PIGK: variants seen among roughly 807,000 people sequenced by gnomAD.
PIGK encodes phosphatidylinositol glycan anchor biosynthesis class K.
Under a neutral mutation model 50.6 loss-of-function variants are expected in PIGK, and 42 were observed. That is an observed-to-expected ratio of 0.83 (90% CI 0.65 to 1.07). The LOEUF is 1.07. PIGK is among the 50% of genes least tolerant of loss of function. PIGK has a pLI of 0.00. For missense variants in PIGK, 448 were observed against 488.7 expected (o/e 0.92, Z 0.78); for synonymous variants, 151 against 156.0 (o/e 0.97, Z 0.24).
At chr1:77,112,847 C>T (rs984409217) in intron 10 of PIGK, among the ~76,000 whole-genome samples, 1 of 152,010 alleles carries the variant, frequency 6.6e-6, no homozygotes, top group Non-Finnish European at 1.5e-5. Flanking sequence ...ACCTCAACTT[C>T]CAGAAAGTCA....
At chr1:77,165,596 C>A in intron 5 of PIGK, among the ~76,000 whole-genome samples, 1 of 137,580 alleles carries the variant, frequency 7.3e-6, no homozygotes, top group Admixed American at 7.1e-5. Flanking sequence ...AGACAGGCAA[C>A]TGGTGATAAA....
intron 10 of PIGK, among the ~76,000 whole-genome samples, chr1:77,116,400 T>C (rs554276786): frequency 2.0e-5 from 3 of 152,032 alleles, no homozygotes; most frequent in East Asian, 1.9e-4. Flanking sequence ...TTAGCCAGGA[T>C]GGTCTCGATC....
At chr1:77,195,767 T>C (rs1779185) in intron 3 of PIGK, among the ~76,000 whole-genome samples, 151,157 of 152,144 alleles carry the variant, frequency 0.99, 75,096 homozygotes, top group Middle Eastern at 1. Flanking sequence ...CTTTCATATA[T>C]ATACAGAATA....
At chr1:77,138,942 T>C (rs1338094825) in intron 9 of PIGK, among the ~76,000 whole-genome samples, 1 of 152,124 alleles carries the variant, frequency 6.6e-6, no homozygotes, top group African/African-American at 2.4e-5. Flanking sequence ...GGGAAGCCTC[T>C]TTTACCCCCA....
intron 10 of PIGK, among the ~76,000 whole-genome samples, chr1:77,106,107 T>TA (rs1372120444): frequency 1.3e-5 from 2 of 152,234 alleles, no homozygotes; most frequent in South Asian, 2.1e-4. Context: ...TGTTTCCCGT[T>TA]ACGCAAATAT....
chr1:77,194,462 A>G (rs1655984198), intron 3 of PIGK, among the ~76,000 whole-genome samples: 2 of 152,222 alleles, frequency 1.3e-5, no homozygotes, highest in African/African-American at 4.8e-5. Flanking sequence ...AGCCATAAAA[A>G]AACACACAAT....
At chr1:77,160,773 C>A (rs112063663) in intron 8 of PIGK, among the ~76,000 whole-genome samples, 2 of 152,108 alleles carry the variant, frequency 1.3e-5, no homozygotes, top group Non-Finnish European at 2.9e-5. Flanking sequence ...TTAAATTCAA[C>A]AAGCCTTGTC....
At chr1:77,147,486 CTTAGGTAATTCTATAGAA>C (rs1277148719) in intron 9 of PIGK, among the ~76,000 whole-genome samples, 5 of 152,082 alleles carry the variant, frequency 3.3e-5, no homozygotes, top group African/African-American at 4.8e-5. Flanking sequence ...TCTGTTTTTC[CTTAGGTAATTCTATAGAA>C]TTTAGACTTC....
intron 9 of PIGK, among the ~76,000 whole-genome samples, chr1:77,147,601 G>A (rs1391723851): frequency 6.6e-6 from 1 of 152,104 alleles, no homozygotes; most frequent in African/African-American, 2.4e-5. Flanking sequence ...ATACAAAACT[G>A]GTAACCTCAG....
intron 3 of PIGK, among the ~76,000 whole-genome samples, chr1:77,188,200 C>G (rs1296991639): frequency 1.3e-5 from 2 of 152,060 alleles, no homozygotes; most frequent in African/African-American, 4.8e-5. Flanking sequence ...ACTGGTGAGC[C>G]GGGCAGAACA....
chr1:77,170,606 G>T (rs1655337274), intron 3 of PIGK, among the ~76,000 whole-genome samples: 1 of 151,990 alleles, frequency 6.6e-6, no homozygotes, highest in African/African-American at 2.4e-5. Flanking sequence ...TACATACTAG[G>T]GCCTGACATA....
intron 9 of PIGK, among the ~76,000 whole-genome samples, chr1:77,149,563 T>C (rs1654847273): frequency 6.6e-6 from 1 of 152,082 alleles, no homozygotes; most frequent in Non-Finnish European, 1.5e-5. Flanking sequence ...TAATAGTAAA[T>C]ATGTATATAC....
chr1:77,101,992 G>A (rs186348397), intron 10 of PIGK, among the ~76,000 whole-genome samples: 93 of 152,240 alleles, frequency 6.1e-4, no homozygotes, highest in African/African-American at 2.1e-3. Context: ...GACAGAGTGA[G>A]AATCCATCTC....
intron 10 of PIGK, among the ~76,000 whole-genome samples, chr1:77,112,358 A>G (rs1417458506): frequency 6.6e-6 from 1 of 152,026 alleles, no homozygotes. Flanking sequence ...CCAAGAATAT[A>G]GCATGAGGCT....
intron 3 of PIGK, among the ~76,000 whole-genome samples, chr1:77,203,169 C>A (rs1656209908): frequency 6.6e-6 from 1 of 151,906 alleles, no homozygotes; most frequent in African/African-American, 2.4e-5. Flanking sequence ...CAATACTAAA[C>A]TGCAATTTAT....
intron 9 of PIGK, among the ~76,000 whole-genome samples, chr1:77,140,639 A>G (rs1314124298): frequency 6.6e-6 from 1 of 152,164 alleles, no homozygotes; most frequent in East Asian, 1.9e-4. Flanking sequence ...GAAGTTACCT[A>G]ATTTCTGGAT....
At chr1:77,102,895 T>G (rs1272343795) in intron 10 of PIGK, among the ~76,000 whole-genome samples, 2 of 152,148 alleles carry the variant, frequency 1.3e-5, no homozygotes, top group Non-Finnish European at 2.9e-5. Context: ...AAAATAAGGG[T>G]CAGATGGCAA....
At chr1:77,154,730 C>T in intron 8 of PIGK, 109 bp from the exon 9 acceptor site, 1 of 714,218 alleles carries the variant, frequency 1.4e-6, no homozygotes, top group South Asian at 1.9e-5. Flanking sequence ...CTCTCCCAAC[C>T]TAAAGAAGCT....
chr1:77,101,513 A>G (rs762560893), intron 10 of PIGK, among the ~76,000 whole-genome samples: 31 of 152,220 alleles, frequency 2.0e-4, no homozygotes, highest in Non-Finnish European at 4.4e-4. Context: ...AGCTCTGGAT[A>G]CAACAGGCCA....
Sources: gnomAD v4.1 joint callset for allele counts (sites outside exome capture counted in the v4.1 genomes callset) on GRCh38, gnomAD v4.1.1 for gene constraint, MANE v1.5 for transcripts, NCBI Gene and HGNC (gene_info 2026-07-23, HGNC 2026-07-21) for gene names.